The following TMCC2 variants were observed in gnomAD, a reference collection of about 807,000 sequenced individuals.
TMCC2 encodes transmembrane and coiled-coil domains protein 2.
TMCC2 carries 16 observed loss-of-function variants against 49.4 expected under a neutral mutation model. The ratio of observed to expected loss-of-function variants is 0.32; its 90% CI spans 0.22 to 0.49. The LOEUF (loss-of-function observed/expected upper bound fraction) is 0.49. TMCC2 is among the 20% of genes least tolerant of loss of function. The pLI is 0.99. For synonymous variants in TMCC2, 397 were observed against 434.1 expected (o/e 0.91, Z 1.06); for missense variants, 762 against 989.8 (o/e 0.77, Z 3.09).
At chr1:205,245,374 G>C (rs750492377) in intron 2 of TMCC2, among the ~76,000 whole-genome samples, 1 of 152,144 alleles carries the variant, frequency 6.6e-6, no homozygotes, top group African/African-American at 2.4e-5. Context: ...GTGGGAGGGC[G>C]GATGAAAGAG....
At chr1:205,265,201 C>T (rs1309866327) in intron 2 of TMCC2, among the ~76,000 whole-genome samples, 1 of 152,178 alleles carries the variant, frequency 6.6e-6, no homozygotes, top group Non-Finnish European at 1.5e-5. Flanking sequence ...GCCAGGGCTT[C>T]AGCCCAGGCC....
At chr1:205,239,491 A>G in intron 1 of TMCC2, among the ~76,000 whole-genome samples, 1 of 152,240 alleles carries the variant, frequency 6.6e-6, no homozygotes, top group East Asian at 1.9e-4. Flanking sequence ...AAAAGCTGGC[A>G]TTGTGTAACT....
intron 2 of TMCC2, among the ~76,000 whole-genome samples, chr1:205,252,707 T>C (rs1660713001): frequency 6.6e-6 from 1 of 152,210 alleles, no homozygotes. Context: ...GGCCTCACCT[T>C]GTATTCTAAG....
chr1:205,250,495 C>T (rs1261121408), intron 2 of TMCC2, among the ~76,000 whole-genome samples: 1 of 151,922 alleles, frequency 6.6e-6, no homozygotes, highest in South Asian at 2.1e-4. Context: ...GAGCTGAGAT[C>T]GCGCCATTAC....
At position 205,228,505 on chromosome 1, in the gene TMCC2, C is replaced by G; in HGVS notation, c.-60C>G. 1 of 1,449,026 alleles carries G rather than the reference C, an allele frequency of 6.9e-7. No homozygotes were observed. Among genetic ancestry groups the G allele is most frequent in the South Asian group, 1.3e-5 (1 of 78,798 alleles). The allele number at this position is 1,449,026 out of a possible 1,614,324, so 89.8% of individuals were successfully genotyped here. A position where few individuals can be genotyped will look rare whatever the true frequency, so the allele number is the denominator to read the frequency against. On this transcript the variant is annotated 5_prime_UTR_variant, in exon 1 of 5. Coordinates refer to ENST00000358024, the MANE Select transcript of TMCC2 (RefSeq NM_014858.4). Reference sequence around the variant, plus strand: ...CCTCATATGAATATAAGAGGGGGTGCGGTCTTCCCCAAGACGGCGCGCTGG... The same window carrying G: ...CCTCATATGAATATAAGAGGGGGTGGGGTCTTCCCCAAGACGGCGCGCTGG...
chr1:205,268,059 G>C, intron 2 of TMCC2: 1 of 985,448 alleles, frequency 1.0e-6, no homozygotes, highest in Non-Finnish European at 1.2e-6. Context: ...AGAGCCGTAA[G>C]GTAATGGAGG....
intron 2 of TMCC2, among the ~76,000 whole-genome samples, chr1:205,255,248 G>A (rs2102577677): frequency 6.6e-6 from 1 of 151,732 alleles, no homozygotes; most frequent in South Asian, 2.1e-4. Flanking sequence ...GGCCTAGCCT[G>A]GAGCGGGCAG....
At chr1:205,230,594 G>A (rs1165564997) in intron 1 of TMCC2, among the ~76,000 whole-genome samples, 1 of 152,190 alleles carries the variant, frequency 6.6e-6, no homozygotes. Flanking sequence ...AGTCTGGCCA[G>A]CAAACCCTGA....
chr1:205,260,790 T>C (rs1240186174), intron 2 of TMCC2, among the ~76,000 whole-genome samples: 2 of 152,100 alleles, frequency 1.3e-5, no homozygotes, highest in Non-Finnish European at 2.9e-5. Context: ...ATGTGGCCTT[T>C]CTTGTCTGGT....
intron 2 of TMCC2, among the ~76,000 whole-genome samples, chr1:205,252,626 C>T (rs1288716641): frequency 6.6e-6 from 1 of 152,124 alleles, no homozygotes; most frequent in Non-Finnish European, 1.5e-5. Context: ...TAAAAGAAGC[C>T]GCCAGCCTTT....
intron 2 of TMCC2, chr1:205,256,261 G>A: frequency 6.5e-7 from 1 of 1,538,262 alleles, no homozygotes; most frequent in Non-Finnish European, 8.7e-7. Flanking sequence ...GCTGCCATTA[G>A]AGAGATCCAG....
rs1328954782 is a variant in TMCC2 at position 205,272,466 on chromosome 1, T to A, written c.*342T>A. The A allele has an allele frequency of 3.3e-6, 1 of 300,236 alleles. No homozygotes were observed. Among genetic ancestry groups the A allele is most frequent in the African/African-American group, 2.1e-5 (1 of 46,798 alleles). The allele number at this position is 300,236 out of a possible 1,614,324, so 18.6% of individuals were successfully genotyped here. ...CCCAAGTCAGGAAGACCATTAAGAA[T>A]AGGAGGAGAGGGCTCTGCCTCAACT... On this transcript the variant is annotated 3_prime_UTR_variant, in exon 5 of 5. Coordinates refer to ENST00000358024, the MANE Select transcript of TMCC2 (RefSeq NM_014858.4).
chr1:205,268,862 G>C lies in TMCC2; in HGVS notation c.748-88G>C, dbSNP rs1441466315. ...TTTGGACTCCTGCATCCATTTTCTA[G>C]ATAGAAAAACCAAGTCCAGAGGCAT... On this transcript the variant is annotated intron_variant, in intron 2 of 4. Coordinates refer to ENST00000358024, the MANE Select transcript of TMCC2 (RefSeq NM_014858.4). 1 of 1,308,912 alleles carries C rather than the reference G, an allele frequency of 7.6e-7. No individual in the cohort carries two copies. Among genetic ancestry groups the C allele is most frequent in the Non-Finnish European group, 1.1e-6 (1 of 941,922 alleles). The allele number at this position is 1,308,912 out of a possible 1,614,324, so 81.1% of individuals were successfully genotyped here.
At chr1:205,237,031 T>G (rs1457378684) in intron 1 of TMCC2, among the ~76,000 whole-genome samples, 4 of 151,876 alleles carry the variant, frequency 2.6e-5, no homozygotes, top group African/African-American at 9.7e-5. Flanking sequence ...TGCCCATGAG[T>G]TGAGTTTTTT....
chr1:205,229,562 T>TG (rs1659707258), intron 1 of TMCC2: 1 of 453,356 alleles, frequency 2.2e-6, no homozygotes, highest in Non-Finnish European at 2.4e-6. Flanking sequence ...GGGGGGGTGG[T>TG]GGCGGGGGCG....
intron 2 of TMCC2, among the ~76,000 whole-genome samples, chr1:205,263,117 T>C (rs1446339214): frequency 3.3e-5 from 5 of 152,136 alleles, no homozygotes; most frequent in Admixed American, 1.3e-4. Flanking sequence ...TCTCTTGTTC[T>C]GAGGTTTGCC....
At chr1:205,261,791 G>A (rs897883963) in intron 2 of TMCC2, among the ~76,000 whole-genome samples, 20 of 152,014 alleles carry the variant, frequency 1.3e-4, no homozygotes, top group African/African-American at 4.1e-4. Flanking sequence ...TCATCTCATC[G>A]TCCTGATAGC....
intron 2 of TMCC2, among the ~76,000 whole-genome samples, chr1:205,260,323 C>T (rs1161407372): frequency 6.6e-6 from 1 of 152,228 alleles, no homozygotes; most frequent in Non-Finnish European, 1.5e-5. Context: ...AGCAGTGGTT[C>T]CTGTGTAGCC....
chr1:205,270,522 G>T (rs182207280), intron 3 of TMCC2, among the ~76,000 whole-genome samples: 1 of 152,138 alleles, frequency 6.6e-6, no homozygotes, highest in East Asian at 1.9e-4. Flanking sequence ...CTTGCCGCTC[G>T]CTCCCTGGGC....
Sources: allele counts gnomAD v4.1 joint callset (sites outside exome capture counted in the v4.1 genomes callset), GRCh38; gene constraint gnomAD v4.1.1; transcripts MANE v1.5; gene names NCBI Gene and HGNC (gene_info 2026-07-23, HGNC 2026-07-21).